The following SNTB2 variants were observed in gnomAD, a reference collection of about 807,000 sequenced individuals.
SNTB2 encodes the protein syntrophin beta 2.
In SNTB2, 34 loss-of-function variants were observed where a neutral mutation model predicts 46.2. That is an observed-to-expected ratio of 0.74 (90% CI 0.56 to 0.98). The LOEUF (loss-of-function observed/expected upper bound fraction) is 0.98, where lower values mean the gene tolerates loss of function less well. Ranked by LOEUF, SNTB2 falls within the 50% of genes least tolerant of loss-of-function variation. SNTB2 has a pLI of 0.00. For missense variants in SNTB2, 603 were observed against 731.4 expected, an observed-to-expected ratio of 0.82 and a Z score of 2.02; for synonymous variants, 290 against 312.6, an observed-to-expected ratio of 0.93 and a Z score of 0.76.
chr16:69,279,515 C>CCTTTTTTTT (rs1965016654), intron 4 of SNTB2, among the ~76,000 whole-genome samples: 1 of 71,734 alleles, frequency 1.4e-5, no homozygotes, highest in Non-Finnish European at 2.6e-5. Flanking sequence ...GTCCTTTGCC[C>CCTTTTTTTT]TTTTTTTTTT....
intron 4 of SNTB2, among the ~76,000 whole-genome samples, chr16:69,281,851 AAAAG>A (rs1209012013): frequency 7.9e-5 from 12 of 151,772 alleles, no homozygotes; most frequent in African/African-American, 2.7e-4. Flanking sequence ...CTTAAGAAAA[AAAAG>A]AAAGAAAGAA....
chr16:69,296,374 A>C (rs1180505170), intron 5 of SNTB2, among the ~76,000 whole-genome samples: 1 of 152,116 alleles, frequency 6.6e-6, no homozygotes, highest in Non-Finnish European at 1.5e-5. Context: ...ACACAGTCAC[A>C]TTTGCTTTCC....
At chr16:69,231,500 A>G (rs1238253036) in intron 1 of SNTB2, among the ~76,000 whole-genome samples, 1 of 152,168 alleles carries the variant, frequency 6.6e-6, no homozygotes, top group Non-Finnish European at 1.5e-5. Flanking sequence ...GAGGCAGGAG[A>G]ATTGCTTGAA....
chr16:69,218,657 G>A (rs372162696), intron 1 of SNTB2, among the ~76,000 whole-genome samples: 2 of 152,168 alleles, frequency 1.3e-5, no homozygotes, highest in Admixed American at 6.6e-5. Flanking sequence ...TCCTGACCTC[G>A]TGATCCACCT....
intron 3 of SNTB2, among the ~76,000 whole-genome samples, chr16:69,268,600 C>G (rs1964908491): frequency 6.6e-6 from 1 of 152,210 alleles, no homozygotes; most frequent in African/African-American, 2.4e-5. Context: ...CGCGTTGGCT[C>G]ACGCCTGTAA....
intron 1 of SNTB2, chr16:69,240,503 G>C (rs77278814): frequency 6.6e-6 from 1 of 152,350 alleles, no homozygotes; most frequent in Non-Finnish European, 1.5e-5. Context: ...AGGTTGGAGA[G>C]AATCCTCCTG....
At chr16:69,289,059 CAGG>C (rs1299206686) in intron 5 of SNTB2, among the ~76,000 whole-genome samples, 5 of 151,998 alleles carry the variant, frequency 3.3e-5, no homozygotes, top group Non-Finnish European at 4.4e-5. Flanking sequence ...CACCTGAGGT[CAGG>C]AGTTCGAGAC....
intron 1 of SNTB2, among the ~76,000 whole-genome samples, chr16:69,232,557 G>A (rs144353383): frequency 7.5e-6 from 1 of 133,222 alleles, no homozygotes; most frequent in Admixed American, 8.5e-5. Flanking sequence ...CTGTTGCCAG[G>A]CTGGAGTGCA....
intron 2 of SNTB2, among the ~76,000 whole-genome samples, chr16:69,258,147 C>G (rs778092104): frequency 3.3e-4 from 50 of 152,160 alleles, no homozygotes; most frequent in Non-Finnish European, 5.9e-4. Context: ...TTTTAGGCAG[C>G]AAAAACTGTC....
intron 1 of SNTB2, among the ~76,000 whole-genome samples, chr16:69,192,347 C>G (rs1051724197): frequency 2.0e-5 from 3 of 152,202 alleles, no homozygotes; most frequent in Non-Finnish European, 4.4e-5. Context: ...CTCCTTCCAA[C>G]TGCCTGTGCA....
chr16:69,211,871 TG>T (rs987036575), intron 1 of SNTB2, among the ~76,000 whole-genome samples: 3 of 152,348 alleles, frequency 2.0e-5, no homozygotes, highest in African/African-American at 4.8e-5. Context: ...CATTATCCTC[TG>T]AAGTTTGCAG....
At chr16:69,234,900 A>C (rs1278473277) in intron 1 of SNTB2, among the ~76,000 whole-genome samples, 2 of 151,608 alleles carry the variant, frequency 1.3e-5, no homozygotes, top group Non-Finnish European at 2.9e-5. Flanking sequence ...ACGGGGTTTC[A>C]CCATGTTGGC....
intron 1 of SNTB2, among the ~76,000 whole-genome samples, chr16:69,205,659 A>G (rs1220672321): frequency 6.6e-6 from 1 of 151,548 alleles, no homozygotes; most frequent in African/African-American, 2.4e-5. Context: ...TTTTTCTTCT[A>G]TTTTCTTTCC....
Position 69,262,390 on chromosome 16 carries a change from C to T in SNTB2, c.1005+2130C>T, listed in dbSNP as rs75679916. On this transcript the variant is annotated intron_variant, in intron 3 of 6. Coordinates refer to ENST00000336278, the MANE Select transcript of SNTB2 (RefSeq NM_006750.4). ...GCGCGATCTTGGCTCACTGCAAGCT[C>T]GGCCTCCCGGGTTGTTGATACTAAT... Among the ~76,000 whole-genome samples, 133 of 151,776 alleles carry T rather than the reference C, an allele frequency of 8.8e-4. No individual in the cohort carries two copies. In the East Asian group the frequency reaches 0.024, roughly 27 times the overall value.
intron 1 of SNTB2, among the ~76,000 whole-genome samples, chr16:69,232,502 CTTTTTTTTTTTTTTTTT>C (rs1032986410): frequency 1.6e-5 from 1 of 63,860 alleles, no homozygotes; most frequent in African/African-American, 7.3e-5. Flanking sequence ...ACGGTGCGGC[CTTTTTTTTTTTTTTTTT>C]TTTTTTTTTT....
chr16:69,261,309 CT>C (rs879629511), intron 3 of SNTB2, among the ~76,000 whole-genome samples: 250 of 141,254 alleles, frequency 1.8e-3, no homozygotes, highest in Admixed American at 2.4e-3. Context: ...ATAGTTCTAA[CT>C]TTTTTTTTTT....
At chr16:69,290,436 G>A (rs1320477563) in intron 5 of SNTB2, among the ~76,000 whole-genome samples, 1 of 152,062 alleles carries the variant, frequency 6.6e-6, no homozygotes, top group Admixed American at 6.6e-5. Context: ...GTAAATATAG[G>A]TAGGAATTAC....
At chr16:69,232,870 C>T in intron 1 of SNTB2, among the ~76,000 whole-genome samples, 1 of 152,032 alleles carries the variant, frequency 6.6e-6, no homozygotes, top group East Asian at 1.9e-4. Context: ...TCAGAGCTAC[C>T]TTATTTTTTG....
rs145778037 is a variant in SNTB2 at position 69,299,390 on chromosome 16, C to T, written c.1346-200C>T. Among the ~76,000 whole-genome samples, 731 of 152,284 alleles carry T rather than the reference C, an allele frequency of 4.8e-3. 3 individuals are homozygous for T. Among genetic ancestry groups the T allele is most frequent in the African/African-American group, 0.017 (713 of 41,564 alleles). The stretch of plus-strand genomic sequence containing the variant: ...ACCCCTGACTTTGCGATCCGCCTGC[C>T]TCGGCCTCCCAAAGTGCTGGGATTA... On this transcript the variant is annotated intron_variant, in intron 5 of 6. Coordinates refer to ENST00000336278, the MANE Select transcript of SNTB2 (RefSeq NM_006750.4).
Sources: gnomAD v4.1 joint callset for allele counts (sites outside exome capture counted in the v4.1 genomes callset) on GRCh38, gnomAD v4.1.1 for gene constraint, MANE v1.5 for transcripts, NCBI Gene and HGNC (gene_info 2026-07-23, HGNC 2026-07-21) for gene names.